PSD3: variants seen among roughly 807,000 people sequenced by gnomAD.
The protein encoded by PSD3 is pleckstrin and Sec7 domain containing 3, also known as PH and SEC7 domain-containing protein 3.
PSD3 carries 49 observed loss-of-function variants against 105.5 expected under a neutral mutation model. The ratio of observed to expected loss-of-function variants is 0.46; its 90% CI spans 0.37 to 0.59. PSD3 has a LOEUF of 0.59. PSD3 is among the 20% of genes least tolerant of loss of function. The pLI is 0.00. For synonymous variants in PSD3, 557 were observed against 457.8 expected, an observed-to-expected ratio of 1.22 and a Z score of -2.77; for missense variants, 1,561 against 1,263.8, an observed-to-expected ratio of 1.24 and a Z score of -3.57.
At chr8:19,025,570 C>G (rs1408239133) in intron 1 of PSD3, among the ~76,000 whole-genome samples, 1 of 152,162 alleles carries the variant, frequency 6.6e-6, no homozygotes, top group Non-Finnish European at 1.5e-5. Flanking sequence ...GGGTTGAGGT[C>G]CTGCCATCAT....
At chr8:18,905,128 A>ATCCAAGCTG (rs1406476281) in intron 2 of PSD3, among the ~76,000 whole-genome samples, 9 of 152,228 alleles carry the variant, frequency 5.9e-5, no homozygotes, top group African/African-American at 1.7e-4. Context: ...TGGATGAAGA[A>ATCCAAGCTG]TCCAAGCTGT....
intron 4 of PSD3, among the ~76,000 whole-genome samples, chr8:18,813,905 G>C (rs929580122): frequency 4.6e-5 from 7 of 152,328 alleles, no homozygotes; most frequent in African/African-American, 1.7e-4. Context: ...CCTATCACCA[G>C]ATCCATCTTC....
At chr8:18,685,199 A>C (rs17695799) in intron 9 of PSD3, among the ~76,000 whole-genome samples, 1 of 152,184 alleles carries the variant, frequency 6.6e-6, no homozygotes, top group African/African-American at 2.4e-5. Context: ...CCAATGTTCA[A>C]ATTTTGCAAC....
At chr8:19,069,318 G>T (rs1057208720) in intron 1 of PSD3, among the ~76,000 whole-genome samples, 1 of 152,084 alleles carries the variant, frequency 6.6e-6, no homozygotes, top group African/African-American at 2.4e-5. Flanking sequence ...GTTTCCACAA[G>T]GGCTTAGCTT....
At chr8:18,602,639 G>C (rs1264214975) in intron 11 of PSD3, among the ~76,000 whole-genome samples, 2 of 152,068 alleles carry the variant, frequency 1.3e-5, no homozygotes, top group African/African-American at 4.8e-5. Context: ...GTAATGCTAA[G>C]AGTAAGGTAC....
At chr8:18,793,580 G>T (rs543457571) in intron 8 of PSD3, among the ~76,000 whole-genome samples, 2 of 152,102 alleles carry the variant, frequency 1.3e-5, no homozygotes, top group South Asian at 4.1e-4. Context: ...TAGGAGAGAG[G>T]ACTCCAAAGG....
At chr8:18,790,984 A>C (rs372197549) in intron 8 of PSD3, among the ~76,000 whole-genome samples, 3 of 152,348 alleles carry the variant, frequency 2.0e-5, no homozygotes, top group East Asian at 3.9e-4. Context: ...ACTGCCAACA[A>C]AAGAATAACA....
intron 9 of PSD3, among the ~76,000 whole-genome samples, chr8:18,702,748 G>A (rs1357708761): frequency 6.6e-6 from 1 of 151,952 alleles, no homozygotes; most frequent in South Asian, 2.1e-4. Flanking sequence ...GAGTAGCTGG[G>A]ACTACCGGTG....
At chr8:18,996,012 G>T (rs1173765098) in intron 1 of PSD3, among the ~76,000 whole-genome samples, 3 of 151,918 alleles carry the variant, frequency 2.0e-5, no homozygotes, top group African/African-American at 7.2e-5. Context: ...CAGAACTAAA[G>T]AATCAGAATC....
At chr8:18,855,670 T>C (rs1029443690) in intron 4 of PSD3, among the ~76,000 whole-genome samples, 4 of 147,498 alleles carry the variant, frequency 2.7e-5, no homozygotes, top group Admixed American at 6.9e-5. Flanking sequence ...GGAAACAAGA[T>C]AGCTTGTATA....
chr8:18,744,434 T>C (rs1044536019), intron 9 of PSD3, among the ~76,000 whole-genome samples: 2 of 152,220 alleles, frequency 1.3e-5, no homozygotes, highest in African/African-American at 4.8e-5. Context: ...ACGTGGTCTT[T>C]TTAACAACTG....
rs375455780 is a variant in PSD3, at chr8:18,821,457, A to T, written c.1635-16559T>A. Among the ~76,000 whole-genome samples the T allele has an allele frequency of 7.8e-4, 119 of 152,238 alleles. 2 individuals carry two copies. The South Asian group carries it at 0.025, about 31-fold the overall frequency. ...ATAGGTAACTATTCCTCATGAAAAA[A>T]AATTACAGGTTGGATGAAATTTGCG... On this transcript the variant is annotated intron_variant, in intron 4 of 15. Transcript: ENST00000327040.
chr8:18,772,973 T>G (rs1035744538), intron 8 of PSD3, among the ~76,000 whole-genome samples: 1 of 152,234 alleles, frequency 6.6e-6, no homozygotes, highest in African/African-American at 2.4e-5. Context: ...TTTATTCTAT[T>G]CTGTAGGTTG....
At chr8:18,613,138 A>T (rs989890429) in intron 11 of PSD3, among the ~76,000 whole-genome samples, 1 of 152,116 alleles carries the variant, frequency 6.6e-6, no homozygotes, top group Non-Finnish European at 1.5e-5. Flanking sequence ...CACCAGTGAT[A>T]GAGACAGGAG....
chr8:18,867,584 G>T, intron 4 of PSD3, 90 bp downstream of exon 4: 1 of 1,464,878 alleles, frequency 6.8e-7, no homozygotes, highest in African/African-American at 1.4e-5. Flanking sequence ...TTGGCCAAAT[G>T]ATTTAAATAT....
intron 9 of PSD3, among the ~76,000 whole-genome samples, chr8:18,679,604 G>A (rs1020554044): frequency 6.6e-6 from 1 of 152,160 alleles, no homozygotes; most frequent in African/African-American, 2.4e-5. Flanking sequence ...ACAGTGTTCA[G>A]AACAAAGATA....
intron 1 of PSD3, among the ~76,000 whole-genome samples, chr8:19,027,995 C>T (rs1827619348): frequency 6.6e-6 from 1 of 152,174 alleles, no homozygotes; most frequent in African/African-American, 2.4e-5. Context: ...TTTAACTTAA[C>T]TTTTTAAAAA....
intron 1 of PSD3, among the ~76,000 whole-genome samples, chr8:19,057,352 C>A (rs1217788377): frequency 6.6e-6 from 1 of 152,094 alleles, no homozygotes; most frequent in Non-Finnish European, 1.5e-5. Context: ...TTCTCTTGAC[C>A]TCTTGTCAAG....
At chr8:18,883,933 A>C (rs1408832253) in intron 2 of PSD3, among the ~76,000 whole-genome samples, 1 of 152,198 alleles carries the variant, frequency 6.6e-6, no homozygotes, top group Non-Finnish European at 1.5e-5. Context: ...TCCCTAATGA[A>C]TACCAGTTAG....
Sources: gnomAD v4.1 joint callset for allele counts (sites outside exome capture counted in the v4.1 genomes callset) on GRCh38, gnomAD v4.1.1 for gene constraint, MANE v1.5 for transcripts, NCBI Gene and HGNC (gene_info 2026-07-23, HGNC 2026-07-21) for gene names.